Variants in LRRK1 observed in about 807,000 individuals in gnomAD.
LRRK1 encodes the protein leucine rich repeat kinase 1.
A neutral mutation model predicts 209.1 loss-of-function variants in LRRK1; 113 were observed. The observed-to-expected ratio is 0.54, with a 90% confidence interval of 0.46 to 0.63. The LOEUF (loss-of-function observed/expected upper bound fraction) is 0.63, where lower values mean the gene tolerates loss of function less well. Among genes scored for constraint, LRRK1 ranks in the 30% least tolerant of loss-of-function variants. The pLI is 0.00. For missense variants in LRRK1, 2,284 were observed against 2,632.2 expected (o/e 0.87, Z 2.89); for synonymous variants, 1,144 against 1,099.7 (o/e 1.04, Z -0.80).
At chr15:100,954,014 C>G (rs2042706383) in intron 2 of LRRK1, among the ~76,000 whole-genome samples, 1 of 152,148 alleles carries the variant, frequency 6.6e-6, no homozygotes, top group African/African-American at 2.4e-5. Context: ...CTCCCAGGTT[C>G]AAGCAATTCT....
intron 33 of LRRK1, chr15:101,067,421 A>ATGTGTGTGTGTGTG (rs57333844): frequency 3.4e-5 from 10 of 297,166 alleles, no homozygotes; most frequent in East Asian, 1.9e-4. Context: ...CTCAGTTCAA[A>ATGTGTGTGTGTGTG]TGTGTGTGTG....
At chr15:100,980,123 A>T (rs1222307765) in intron 3 of LRRK1, among the ~76,000 whole-genome samples, 1 of 152,226 alleles carries the variant, frequency 6.6e-6, no homozygotes, top group Non-Finnish European at 1.5e-5. Context: ...AAACTTGCTC[A>T]TGATGTGTCA....
intron 6 of LRRK1, among the ~76,000 whole-genome samples, chr15:100,999,636 T>G (rs1057364557): frequency 1.2e-4 from 19 of 152,230 alleles, no homozygotes; most frequent in Admixed American, 1.2e-3. Context: ...TTACATAACA[T>G]AGGAACTATT....
intron 20 of LRRK1, among the ~76,000 whole-genome samples, chr15:101,045,767 CCA>C (rs759848014): frequency 3.9e-5 from 6 of 152,198 alleles, no homozygotes; most frequent in African/African-American, 7.2e-5. Flanking sequence ...ATTAATGGGA[CCA>C]GTCTTCATTT....
chr15:100,958,478 C>T (rs947675875), intron 2 of LRRK1, among the ~76,000 whole-genome samples: 14 of 152,236 alleles, frequency 9.2e-5, no homozygotes, highest in Admixed American at 1.3e-4. Context: ...TTGTCTTCCA[C>T]TTCTTGGCCT....
At chr15:101,021,745 C>T in intron 13 of LRRK1, 100 bp from the exon 14 acceptor site, 1 of 769,310 alleles carries the variant, frequency 1.3e-6, no homozygotes, top group Non-Finnish European at 2.2e-6. Flanking sequence ...GGGGTACAGG[C>T]TGCAGAGGCT....
chr15:100,940,627 C>T (rs945056685), intron 2 of LRRK1, among the ~76,000 whole-genome samples: 2 of 152,194 alleles, frequency 1.3e-5, no homozygotes, highest in African/African-American at 4.8e-5. Context: ...ATGCTGCATC[C>T]TCCTGTTTCT....
intron 6 of LRRK1, among the ~76,000 whole-genome samples, chr15:101,005,245 T>C (rs1000652248): frequency 6.6e-6 from 1 of 152,202 alleles, no homozygotes; most frequent in Non-Finnish European, 1.5e-5. Context: ...GTGACCTTCC[T>C]GTCAGCCTGT....
chr15:100,964,153 C>T (rs1470619679), intron 2 of LRRK1, among the ~76,000 whole-genome samples: 1 of 152,122 alleles, frequency 6.6e-6, no homozygotes, highest in Non-Finnish European at 1.5e-5. Flanking sequence ...CTGTCTGATG[C>T]GGGTGGAGGG....
At chr15:101,061,072 G>C in intron 29 of LRRK1, 99 bp from the exon 30 acceptor site, 1 of 858,192 alleles carries the variant, frequency 1.2e-6, no homozygotes, top group Non-Finnish European at 2.0e-6. Context: ...GGTGGGAGCA[G>C]GGGAGGTAGA....
In LRRK1 at chr15:101,027,297, G is replaced by T; in HGVS notation, c.2442G>T (p.Gly814=). The change falls in exon 18 of 34, where the codon GGG becomes GGT. Residue 814 remains glycine (G), a synonymous_variant. Transcript: ENST00000388948. The surrounding 1 kb of genome is among the most constrained non-coding windows in gnomAD (Gnocchi z 5.1). ...ISCKSLEGQE[G]LRQLIFHVTC... Reference sequence around the variant, plus strand: ...GCAAGAGCCTGGAAGGTCAGGAAGGGCTGCGACAGCTGATTTTCCACGTCA... The same window carrying T: ...GCAAGAGCCTGGAAGGTCAGGAAGGTCTGCGACAGCTGATTTTCCACGTCA... The T allele has an allele frequency of 6.2e-7, 1 of 1,614,124 alleles. No homozygotes were observed.
chr15:101,053,545 CGT>C, intron 26 of LRRK1, 125 bp downstream of exon 26: 1 of 802,700 alleles, frequency 1.2e-6, no homozygotes, highest in Non-Finnish European at 1.9e-6. Context: ...ACCCATGGCT[CGT>C]GTGACCATCC....
In LRRK1 at chr15:101,026,080, G is replaced by A. The variant is rs777040315; in HGVS notation, c.2348G>A (p.Arg783His). ...TLRAYVLALC[R>H]SPSGSRATGF... The stretch of plus-strand genomic sequence containing the variant: ...CGTGCCTATGTGCTGGCACTCTGCC[G>A]CTCCCCCTCCGGCTCCAGGGCCACA... Residue 783 changes from arginine (R) to histidine (H), a missense_variant, in exon 17 of 34, where the codon CGC becomes CAC. Coordinates refer to ENST00000388948, the MANE Select transcript of LRRK1 (RefSeq NM_024652.6). 2.1e-5 allele frequency: 34 copies of A among 1,614,098 alleles called. No homozygotes were observed. Among genetic ancestry groups the A allele is most frequent in the Middle Eastern group, 1.6e-4 (1 of 6,084 alleles).
intron 2 of LRRK1, among the ~76,000 whole-genome samples, chr15:100,950,849 A>T (rs1170552063): frequency 6.6e-6 from 1 of 152,192 alleles, no homozygotes; most frequent in African/African-American, 2.4e-5. Flanking sequence ...CGCGCCTGTC[A>T]TCCCAGCACT....
At position 100,923,939 on chromosome 15, in the gene LRRK1, C is replaced by T. The variant is rs2042062828; in HGVS notation, c.-122-572C>T. ...TTTGAGGCTCATGTCTGCTAACCTC[C>T]GTCATTTAGCTTTCTGCTAAAGCTC... is the stretch of plus-strand genomic sequence containing the variant. On this transcript the variant is annotated intron_variant, in intron 1 of 33. Transcript: ENST00000388948. Among the ~76,000 whole-genome samples the T allele has an allele frequency of 3.3e-5, 5 of 152,342 alleles. No individual in the cohort carries two copies. In the South Asian group the frequency reaches 1.0e-3, roughly 32 times the overall value.
At position 100,949,886 on chromosome 15, in the gene LRRK1, C is replaced by CA. The variant is rs931438077; in HGVS notation, c.98-23908dup. ...CAATCTGATAAACTGCATCTGTTAA[C>CA]AAAAAAAAAACCCATAACTAACATC... On this transcript the variant is annotated intron_variant, in intron 2 of 33. Coordinates refer to ENST00000388948, the MANE Select transcript of LRRK1 (RefSeq NM_024652.6). Among the ~76,000 whole-genome samples, 497 of 147,708 alleles carry CA rather than the reference C, an allele frequency of 3.4e-3. 1 individual carries two copies. Among genetic ancestry groups the CA allele is most frequent in the Non-Finnish European group, 5.3e-3 (353 of 66,556 alleles).
chr15:101,052,428 C>T (rs1203046560), intron 24 of LRRK1, among the ~76,000 whole-genome samples: 2 of 102,582 alleles, frequency 1.9e-5, no homozygotes, highest in African/African-American at 4.8e-5. Flanking sequence ...GTAGCCCTAG[C>T]GCTGAGCTCC....
chr15:100,950,246 G>T (rs1395237366), intron 2 of LRRK1, among the ~76,000 whole-genome samples: 1 of 151,978 alleles, frequency 6.6e-6, no homozygotes, highest in Non-Finnish European at 1.5e-5. Context: ...ATTTACAATA[G>T]TATCCAAAAG....
At chr15:100,990,001 G>A (rs1013567895) in intron 6 of LRRK1, among the ~76,000 whole-genome samples, 1 of 152,040 alleles carries the variant, frequency 6.6e-6, no homozygotes, top group Non-Finnish European at 1.5e-5. Context: ...TCACAATTGA[G>A]AGTGGTAATC....
Sources: gnomAD v4.1 joint callset for allele counts (sites outside exome capture counted in the v4.1 genomes callset) on GRCh38, gnomAD v4.1.1 for gene constraint, Gnocchi (gnomAD v3.1) non-coding constraint, MANE v1.5 for transcripts, NCBI Gene and HGNC (gene_info 2026-07-23, HGNC 2026-07-21) for gene names.